OSBPL9: variants seen among roughly 807,000 people sequenced by gnomAD.
The protein encoded by OSBPL9 is oxysterol-binding protein-related protein 9.
OSBPL9 carries 40 observed loss-of-function variants against 106.6 expected under a neutral mutation model. That is an observed-to-expected ratio of 0.38 (90% CI 0.29 to 0.49). OSBPL9 has a LOEUF of 0.49. Among genes scored for constraint, OSBPL9 ranks in the 20% least tolerant of loss-of-function variants. The pLI is 0.97. For missense variants in OSBPL9, 609 were observed against 887.2 expected (o/e 0.69, Z 3.98); for synonymous variants, 269 against 295.4 (o/e 0.91, Z 0.92).
intron 1 of OSBPL9, among the ~76,000 whole-genome samples, chr1:51,579,889 T>TAATAATAATAATAATAA (rs1557574164): frequency 1.3e-5 from 2 of 150,504 alleles, no homozygotes; most frequent in South Asian, 2.1e-4. Context: ...ATAATAATAA[T>TAATAATAATAATAATAA]TTAAACGTTC....
intron 1 of OSBPL9, among the ~76,000 whole-genome samples, chr1:51,587,701 C>G (rs1448727256): frequency 2.0e-5 from 3 of 152,212 alleles, no homozygotes; most frequent in African/African-American, 7.2e-5. Flanking sequence ...AAACCCCCAC[C>G]TTGTGTCATC....
At chr1:51,734,472 TCTTA>T in intron 4 of OSBPL9, among the ~76,000 whole-genome samples, 1 of 152,306 alleles carries the variant, frequency 6.6e-6, no homozygotes, top group South Asian at 2.1e-4. Flanking sequence ...ACCTGTAAAT[TCTTA>T]CTGTGTTTAT....
At chr1:51,604,139 C>T (rs968445545) in intron 2 of OSBPL9, among the ~76,000 whole-genome samples, 2 of 152,166 alleles carry the variant, frequency 1.3e-5, no homozygotes, top group Non-Finnish European at 1.5e-5. Flanking sequence ...CGTGTGTTCC[C>T]TATAATAGCC....
chr1:51,546,400 A>G, the OSBPL9 span, among the ~76,000 whole-genome samples: 1 of 152,126 alleles, frequency 6.6e-6, no homozygotes, highest in African/African-American at 2.4e-5. Context: ...CAAAATAACT[A>G]GATAAAAGAC....
chr1:51,617,125 G>C lies in OSBPL9; in HGVS notation c.15G>C (p.Met5Ile), dbSNP rs1644088744. The C allele has an allele frequency of 1.9e-6, 3 of 1,610,394 alleles. No individual in the cohort carries two copies. The highest frequency in any genetic ancestry group is 2.7e-5 in the African/African-American group (2 of 74,936). Reference sequence around the variant, plus strand: ...CGGCTCCCAAGATGGCGTCCATCATGGAAGGGCCGCTGAGCAAATGGACTA... The same window carrying C: ...CGGCTCCCAAGATGGCGTCCATCATCGAAGGGCCGCTGAGCAAATGGACTA... Reference protein sequence around the residue: MASIMEGPLSKWTNV... With the variant: MASIIEGPLSKWTNV... The change falls in exon 1 of 24, where the codon ATG becomes ATC. Residue 5 changes from methionine to isoleucine, a missense_variant. By Grantham distance (10) the Met-to-Ile change is conservative. Coordinates refer to ENST00000428468, the MANE Select transcript of OSBPL9 (RefSeq NM_024586.6).
intron 4 of OSBPL9, among the ~76,000 whole-genome samples, chr1:51,731,112 C>CTTTTCTAGT (rs1433942706): frequency 2.6e-5 from 4 of 151,782 alleles, no homozygotes; most frequent in Non-Finnish European, 5.9e-5. Flanking sequence ...ACCGTATTAC[C>CTTTTCTAGT]TTTTCTAGTT....
chr1:51,562,465 T>G, the OSBPL9 span, among the ~76,000 whole-genome samples: 1 of 152,310 alleles, frequency 6.6e-6, no homozygotes, highest in African/African-American at 2.4e-5. Flanking sequence ...CCTCTTTTCT[T>G]TATAAATTAC....
At chr1:51,658,262 C>T (rs1646936301) in intron 2 of OSBPL9, among the ~76,000 whole-genome samples, 1 of 152,244 alleles carries the variant, frequency 6.6e-6, no homozygotes, top group South Asian at 2.1e-4. Context: ...CTGGAATAGA[C>T]ATCATGCCAT....
intron 1 of OSBPL9, among the ~76,000 whole-genome samples, chr1:51,638,482 C>T (rs968564485): frequency 6.6e-6 from 1 of 151,820 alleles, no homozygotes; most frequent in East Asian, 1.9e-4. Flanking sequence ...TGTGGTGGCT[C>T]ACACCTGTAA....
chr1:51,638,945 TA>T (rs879303880), intron 1 of OSBPL9, among the ~76,000 whole-genome samples: 7 of 148,332 alleles, frequency 4.7e-5, no homozygotes, highest in Non-Finnish European at 6.0e-5. Flanking sequence ...AAGAATGCCT[TA>T]AAAAAAAAAC....
Position 51,626,430 on chromosome 1 carries a change from ATAT to A in OSBPL9, c.111+9225_111+9227del, listed in dbSNP as rs140032167. Among the ~76,000 whole-genome samples, 1,229 of 151,870 alleles carry A rather than the reference ATAT, an allele frequency of 8.1e-3. 10 individuals are homozygous for A. The highest frequency in any genetic ancestry group is 0.028 in the African/African-American group (1,154 of 41,430). On this transcript the variant is annotated intron_variant, in intron 1 of 23. Coordinates refer to ENST00000428468, the MANE Select transcript of OSBPL9 (RefSeq NM_024586.6). ...CACTACAGATTTTTCTTATTTAAGAATATTATTATTATTATTATGCAGTATAAC... is the reference window on the plus strand; with the variant it reads ...CACTACAGATTTTTCTTATTTAAGAATATTATTATTATTATGCAGTATAAC...
chr1:51,712,235 AC>A, intron 3 of OSBPL9, among the ~76,000 whole-genome samples: 2 of 152,272 alleles, frequency 1.3e-5, no homozygotes, highest in South Asian at 4.1e-4. Context: ...ACACAGCGAA[AC>A]CCCGTCTCCA....
intron 3 of OSBPL9, among the ~76,000 whole-genome samples, chr1:51,689,468 A>C (rs1654525283): frequency 6.6e-6 from 1 of 151,698 alleles, no homozygotes; most frequent in African/African-American, 2.4e-5. Context: ...GGTATTTTTG[A>C]AGTTCTATAT....
At chr1:51,680,049 C>T (rs1031354051) in intron 3 of OSBPL9, among the ~76,000 whole-genome samples, 4 of 151,948 alleles carry the variant, frequency 2.6e-5, no homozygotes, top group African/African-American at 9.7e-5. Context: ...AAAATTGAGT[C>T]ATTCTGCCAG....
chr1:51,546,243 C>T, the OSBPL9 span, among the ~76,000 whole-genome samples: 63 of 152,160 alleles, frequency 4.1e-4, no homozygotes, highest in Admixed American at 3.3e-4. Flanking sequence ...TCTCGAATTC[C>T]TGAGCGCAAG....
chr1:51,736,476 A>G (rs552144782), intron 4 of OSBPL9, among the ~76,000 whole-genome samples: 30 of 152,254 alleles, frequency 2.0e-4, no homozygotes, highest in African/African-American at 6.0e-4. Flanking sequence ...TAATTTGTCA[A>G]TTTGTTATAT....
intron 2 of OSBPL9, among the ~76,000 whole-genome samples, chr1:51,604,130 G>T (rs1482332534): frequency 6.6e-6 from 1 of 152,210 alleles, no homozygotes; most frequent in East Asian, 1.9e-4. Context: ...AGTGAGCTGC[G>T]TGTGTTCCCT....
At chr1:51,660,593 A>G (rs1647079114) in intron 2 of OSBPL9, among the ~76,000 whole-genome samples, 1 of 152,186 alleles carries the variant, frequency 6.6e-6, no homozygotes, top group Admixed American at 6.5e-5. Flanking sequence ...TGCAAAAGCA[A>G]AGCAAATTGT....
intron 1 of OSBPL9, among the ~76,000 whole-genome samples, chr1:51,640,046 G>A (rs757630899): frequency 2.0e-5 from 3 of 151,734 alleles, no homozygotes; most frequent in African/African-American, 4.8e-5. Flanking sequence ...TGCCCAGGCT[G>A]GTCTCAAATT....
Sources: allele counts gnomAD v4.1 joint callset (sites outside exome capture counted in the v4.1 genomes callset), GRCh38; gene constraint gnomAD v4.1.1; transcripts MANE v1.5; gene names NCBI Gene and HGNC (gene_info 2026-07-23, HGNC 2026-07-21).